Variants in PPARGC1A observed in about 807,000 individuals in gnomAD.
The protein encoded by PPARGC1A is PPARG coactivator 1 alpha.
Under a neutral mutation model 88.7 loss-of-function variants are expected in PPARGC1A, and 25 were observed. That is an observed-to-expected ratio of 0.28 (90% CI 0.21 to 0.39). PPARGC1A has a LOEUF of 0.39. Ranked by LOEUF, PPARGC1A falls within the 10% of genes least tolerant of loss-of-function variation. The probability of loss-of-function intolerance (pLI) is 1.00; values close to 1 mark genes in which losing one functional copy is unlikely to be tolerated. For missense variants in PPARGC1A, 880 were observed against 968.7 expected (o/e 0.91, Z 1.22); for synonymous variants, 363 against 355.6 (o/e 1.02, Z -0.24).
chr4:23,920,318 C>T, the PPARGC1A span, among the ~76,000 whole-genome samples: 4 of 152,086 alleles, frequency 2.6e-5, no homozygotes, highest in Admixed American at 2.6e-4. Flanking sequence ...AGGTCTTTTC[C>T]CTGAAAAGAG....
the PPARGC1A span, among the ~76,000 whole-genome samples, chr4:24,443,095 T>C: frequency 6.6e-6 from 1 of 152,164 alleles, no homozygotes; most frequent in African/African-American, 2.4e-5. Context: ...TCTAATTGAG[T>C]CCTAAATTGG....
At chr4:23,887,504 TCTTTGC>T (rs1717109969) in intron 1 of PPARGC1A, among the ~76,000 whole-genome samples, 1 of 152,238 alleles carries the variant, frequency 6.6e-6, no homozygotes, top group Non-Finnish European at 1.5e-5. Context: ...TTCTACTGCC[TCTTTGC>T]AACTATGACA....
the PPARGC1A span, among the ~76,000 whole-genome samples, chr4:24,257,160 T>G: frequency 6.6e-6 from 1 of 151,544 alleles, no homozygotes; most frequent in Non-Finnish European, 1.5e-5. Flanking sequence ...ACTGTCAGAG[T>G]TGCCTTTTTA....
chr4:23,852,954 CT>C (rs1256009315), intron 2 of PPARGC1A, among the ~76,000 whole-genome samples: 1 of 152,128 alleles, frequency 6.6e-6, no homozygotes, highest in Non-Finnish European at 1.5e-5. Context: ...TGCACTTTGT[CT>C]TTTGCAGGTT....
chr4:23,834,006 A>T (rs921740459), intron 2 of PPARGC1A, among the ~76,000 whole-genome samples: 1 of 152,106 alleles, frequency 6.6e-6, no homozygotes. Context: ...CTCTATTAAA[A>T]ATATAAAAAT....
At chr4:23,852,251 GC>G (rs1269641858) in intron 2 of PPARGC1A, among the ~76,000 whole-genome samples, 1 of 152,138 alleles carries the variant, frequency 6.6e-6, no homozygotes, top group Non-Finnish European at 1.5e-5. Context: ...GCATGGTTTT[GC>G]CTACAAAAGG....
the PPARGC1A span, among the ~76,000 whole-genome samples, chr4:24,154,495 T>C: frequency 6.6e-6 from 1 of 152,218 alleles, no homozygotes; most frequent in Non-Finnish European, 1.5e-5. Flanking sequence ...GGAAAGAGCC[T>C]TGTGTAAGCC....
the PPARGC1A span, among the ~76,000 whole-genome samples, chr4:24,239,783 G>A: frequency 6.6e-6 from 1 of 152,162 alleles, no homozygotes; most frequent in Non-Finnish European, 1.5e-5. Context: ...GTTAATGAGT[G>A]TGCACTCTCT....
chr4:24,016,877 T>C, the PPARGC1A span, among the ~76,000 whole-genome samples: 5 of 152,198 alleles, frequency 3.3e-5, no homozygotes, highest in Admixed American at 3.3e-4. Flanking sequence ...GCAATTCTCG[T>C]ATTAACATTC....
the PPARGC1A span, among the ~76,000 whole-genome samples, chr4:24,169,571 A>G: frequency 0.033 from 5,013 of 152,222 alleles, 113 homozygotes; most frequent in Non-Finnish European, 0.05. Context: ...TTATTTAAAA[A>G]AAAAAAGGAT....
the PPARGC1A span, among the ~76,000 whole-genome samples, chr4:24,005,565 G>T: frequency 6.6e-6 from 1 of 152,214 alleles, no homozygotes; most frequent in Non-Finnish European, 1.5e-5. Flanking sequence ...ATCACGGAAT[G>T]TAAGACAGCA....
chr4:24,070,440 A>G, the PPARGC1A span, among the ~76,000 whole-genome samples: 142,858 of 152,240 alleles, frequency 0.94, 67,103 homozygotes, highest in African/African-American at 0.96. Flanking sequence ...ATCCACTAGA[A>G]TGCTTGGTAG....
the PPARGC1A span, among the ~76,000 whole-genome samples, chr4:24,027,219 C>A: frequency 7.7e-5 from 11 of 142,068 alleles, no homozygotes; most frequent in South Asian, 1.8e-3. Flanking sequence ...GTGTGTGTGT[C>A]TGTGTGTCTG....
the PPARGC1A span, among the ~76,000 whole-genome samples, chr4:23,909,840 G>A: frequency 1.4e-4 from 21 of 151,506 alleles, no homozygotes; most frequent in African/African-American, 4.8e-4. Flanking sequence ...ATACTAAGGA[G>A]GCTAGAAAAT....
At chr4:24,016,135 G>A in the PPARGC1A span, among the ~76,000 whole-genome samples, 2 of 152,186 alleles carry the variant, frequency 1.3e-5, no homozygotes, top group African/African-American at 4.8e-5. Context: ...GAAACAGTTT[G>A]TAAATGCTCT....
At chr4:24,286,730 T>C in the PPARGC1A span, among the ~76,000 whole-genome samples, 4 of 152,106 alleles carry the variant, frequency 2.6e-5, no homozygotes, top group Non-Finnish European at 5.9e-5. Flanking sequence ...ACCCCAAACT[T>C]TGGCAGCTTA....
the PPARGC1A span, among the ~76,000 whole-genome samples, chr4:24,341,217 TTA>T: frequency 2.9e-3 from 424 of 147,820 alleles, 2 homozygotes; most frequent in African/African-American, 9.3e-3. Flanking sequence ...ATATATATAA[TTA>T]TATATATATA....
chr4:24,151,080 G>A, the PPARGC1A span, among the ~76,000 whole-genome samples: 55 of 152,246 alleles, frequency 3.6e-4, no homozygotes, highest in African/African-American at 1.3e-3. Flanking sequence ...TGAAAACATC[G>A]TTGCCTCTAA....
At chr4:24,330,563 C>A in the PPARGC1A span, among the ~76,000 whole-genome samples, 1 of 152,200 alleles carries the variant, frequency 6.6e-6, no homozygotes, top group Non-Finnish European at 1.5e-5. Context: ...GGAGAAGCTC[C>A]ATGACAGACC....
Sources: gnomAD v4.1 joint callset for allele counts (sites outside exome capture counted in the v4.1 genomes callset) on GRCh38, gnomAD v4.1.1 for gene constraint, MANE v1.5 for transcripts, NCBI Gene and HGNC (gene_info 2026-07-23, HGNC 2026-07-21) for gene names.